Variants in RAG1 observed in about 807,000 individuals in gnomAD.
RAG1 encodes the protein V(D)J recombination-activating protein 1.
In RAG1, 35 loss-of-function variants were observed where a neutral mutation model predicts 62.7. The observed-to-expected ratio is 0.56, with a 90% CI of 0.43 to 0.74. The LOEUF (loss-of-function observed/expected upper bound fraction) is 0.74. Ranked by LOEUF, RAG1 falls within the 30% of genes least tolerant of loss-of-function variation. RAG1 has a pLI of 0.00. For missense variants in RAG1, 1,169 were observed against 1,278.6 expected, an observed-to-expected ratio of 0.91 and a Z score of 1.31; for synonymous variants, 461 against 470.3, an observed-to-expected ratio of 0.98 and a Z score of 0.26.
intron 2 of RAG1, among the ~76,000 whole-genome samples, chr11:36,521,106 T>C (rs764582377): frequency 2.6e-5 from 4 of 151,996 alleles, no homozygotes; most frequent in Non-Finnish European, 5.9e-5. Context: ...ACTACAGGCA[T>C]GTGCCACCAT....
chr11:36,549,607 A>T (rs549345806), intron 3 of RAG1, among the ~76,000 whole-genome samples: 1 of 152,346 alleles, frequency 6.6e-6, no homozygotes, highest in East Asian at 1.9e-4. Flanking sequence ...TTAAAACGTC[A>T]GGAAACAACA....
At chr11:36,540,743 C>T (rs948244565), downstream of RAG1, among the ~76,000 whole-genome samples, 5 of 152,200 alleles carry the variant, frequency 3.3e-5, no homozygotes, top group Non-Finnish European at 7.3e-5. Flanking sequence ...CTCCAATCTT[C>T]TCTTTGTTCT....
chr11:36,575,760 A>C lies in RAG1; in HGVS notation c.2456A>C (p.Tyr819Ser). Residue 819 changes from tyrosine (Y) to serine (S), a missense_variant, in exon 2 of 2, where the codon TAT (tyrosine) becomes TCT (serine). This residue lies in a region of RAG1 where 800 missense variants were observed against 943.3 expected (regional missense o/e 0.85). Transcript: ENST00000299440. The surrounding 1 kb of genome is among the most constrained non-coding windows in gnomAD (Gnocchi z 4.1). ...KIFQLEIGEV[Y>S]KNPNASKEER... ...TTCCAGCTAGAGATAGGGGAAGTGT[A>C]TAAGAATCCCAATGCTTCCAAAGAG... The C allele has an allele frequency of 6.2e-7, 1 of 1,614,240 alleles. No individual in the cohort carries two copies. The highest frequency in any genetic ancestry group is 1.6e-4 in the Middle Eastern group (1 of 6,062).
chr11:36,546,464 T>C (rs1850395005), intron 3 of RAG1, among the ~76,000 whole-genome samples: 1 of 152,220 alleles, frequency 6.6e-6, no homozygotes, highest in African/African-American at 2.4e-5. Flanking sequence ...TTTGAGTCTA[T>C]GTGTGTCTTT....
upstream of RAG1, among the ~76,000 whole-genome samples, chr11:36,567,830 G>A (rs1251287526): frequency 4.6e-5 from 7 of 152,184 alleles, no homozygotes; most frequent in African/African-American, 1.7e-4. Context: ...GCAAACTCTC[G>A]CACATGGTTC....
Position 36,532,451 on chromosome 11 carries a change from A to G in RAG1, n.429-3508A>G, listed in dbSNP as rs566506131. On this transcript the variant is annotated intron_variant and non_coding_transcript_variant, in intron 2 of 2. Transcript: ENST00000529126. ...AGCAATATATTATGAACACTTTTCT[A>G]TTTCATTCAATAGCATAATTTTAAT... Among the ~76,000 whole-genome samples the G allele has an allele frequency of 4.7e-4, 71 of 152,256 alleles. 1 individual carries two copies. Among genetic ancestry groups the G allele is most frequent in the African/African-American group, 1.5e-3 (63 of 41,568 alleles).
At chr11:36,560,031 G>T (rs1001285535) in intron 3 of RAG1, among the ~76,000 whole-genome samples, 1 of 152,138 alleles carries the variant, frequency 6.6e-6, no homozygotes, top group Non-Finnish European at 1.5e-5. Context: ...ACTTTTTCGT[G>T]TGAGTCTGTC....
chr11:36,539,821 C>T (rs1382444606), downstream of RAG1, among the ~76,000 whole-genome samples: 1 of 152,126 alleles, frequency 6.6e-6, no homozygotes, highest in African/African-American at 2.4e-5. Flanking sequence ...AATTTTCTCT[C>T]CTTTTGAATG....
intron 2 of RAG1, among the ~76,000 whole-genome samples, chr11:36,525,159 G>T (rs1217385190): frequency 6.6e-6 from 1 of 151,300 alleles, no homozygotes; most frequent in Non-Finnish European, 1.5e-5. Context: ...TTAAAAGGCT[G>T]TTTTTTCTCT....
At position 36,543,466 on chromosome 11, in the gene RAG1, G is replaced by A. The variant is rs546513212; in HGVS notation, c.-412+7432G>A. On this transcript the variant is annotated intron_variant and NMD_transcript_variant, in intron 3 of 9. Transcript: ENST00000534663. ...TTGCTCACTTTTCCAGGCTCTACCC[G>A]AAAAATCAGACCCTCCCCGCCCTCA... Among the ~76,000 whole-genome samples, 9 of 152,148 alleles carry A rather than the reference G, an allele frequency of 5.9e-5. No homozygotes were observed. The East Asian group carries it at 7.7e-4, about 13-fold the overall frequency.
chr11:36,574,057 A>G lies in RAG1; in HGVS notation c.753A>G (p.Arg251=), dbSNP rs760638765. Residue 251 remains arginine (R), a synonymous_variant, in exon 2 of 2, where the codon AGA becomes AGG. Transcript: ENST00000299440. ...DQARQARQHK[R]RAQARISSKD... ...CAAGACAAGCCCGTCAGCACAAGAG[A>G]AGAGCTCAGGCAAGGATCAGCAGCA... 4.3e-6 allele frequency: 7 copies of G among 1,614,046 alleles called. No homozygotes were observed. The highest frequency in any genetic ancestry group is 1.3e-5 in the African/African-American group (1 of 74,892).
intron 3 of RAG1, among the ~76,000 whole-genome samples, chr11:36,542,001 A>C (rs1416305093): frequency 6.6e-6 from 1 of 152,088 alleles, no homozygotes; most frequent in Non-Finnish European, 1.5e-5. Flanking sequence ...CTAGGGGATA[A>C]ATTGCTTGTT....
chr11:36,550,033 A>G (rs908434364), intron 3 of RAG1, among the ~76,000 whole-genome samples: 3 of 152,196 alleles, frequency 2.0e-5, no homozygotes, highest in Non-Finnish European at 2.9e-5. Context: ...CAAACACTAC[A>G]TGTTCTCACT....
chr11:36,523,690 G>A (rs909749858), intron 2 of RAG1, among the ~76,000 whole-genome samples: 3 of 152,142 alleles, frequency 2.0e-5, no homozygotes, highest in African/African-American at 4.8e-5. Context: ...CTTCCATCCC[G>A]GATCCAGTCC....
chr11:36,537,474 C>T (rs964286241), downstream of RAG1, among the ~76,000 whole-genome samples: 13 of 151,866 alleles, frequency 8.6e-5, no homozygotes, highest in African/African-American at 2.9e-4. Context: ...TCAGTTATAC[C>T]TCTGTAAAGC....
chr11:36,540,750 T>A (rs1248038316), downstream of RAG1, among the ~76,000 whole-genome samples: 1 of 152,226 alleles, frequency 6.6e-6, no homozygotes, highest in Non-Finnish European at 1.5e-5. Context: ...CTTCTCTTTG[T>A]TCTTTGGACA....
In RAG1 at chr11:36,573,865, TA is replaced by T. The variant is rs1850789138; in HGVS notation, c.562del (p.Ser188AlafsTer13). ...GCTGGAGCATCATGCACAGGAAGTT[TA>T]GCAGTGCCCCATGTGAGGTTTACTT... ...NCWSIMHRKF[S>X]SAPCEVYFPR... On this transcript the variant is annotated frameshift_variant, in exon 2 of 2. Transcript: ENST00000299440. LOFTEE classifies it high-confidence loss of function. The T allele has an allele frequency of 6.2e-7, 1 of 1,614,006 alleles. No homozygotes were observed. The highest frequency in any genetic ancestry group is 1.3e-5 in the African/African-American group (1 of 74,898).
chr11:36,544,468 T>G (rs1590680706), intron 3 of RAG1, among the ~76,000 whole-genome samples: 1 of 152,172 alleles, frequency 6.6e-6, no homozygotes, highest in Admixed American at 6.5e-5. Flanking sequence ...CTAGTCTAGT[T>G]CCCCTTTCTG....
chr11:36,527,418 C>A (rs1235017008), intron 2 of RAG1, among the ~76,000 whole-genome samples: 1 of 151,970 alleles, frequency 6.6e-6, no homozygotes. Context: ...ATTTCTGAGG[C>A]CTCTGTTCTG....
Sources: gnomAD v4.1 joint callset for allele counts (sites outside exome capture counted in the v4.1 genomes callset) on GRCh38, gnomAD v4.1.1 for gene constraint, gnomAD v4.1.1 regional missense constraint, Gnocchi (gnomAD v3.1) non-coding constraint, MANE v1.5 for transcripts, NCBI Gene and HGNC (gene_info 2026-07-23, HGNC 2026-07-21) for gene names.